Variants in ALKBH8 observed in about 807,000 individuals in gnomAD.
The protein encoded by ALKBH8 is tRNA (carboxymethyluridine(34)-5-O)-methyltransferase ALKBH8.
Under a neutral mutation model 59.8 loss-of-function variants are expected in ALKBH8, and 36 were observed. The observed-to-expected ratio is 0.60, with a 90% CI of 0.46 to 0.79. ALKBH8 has a LOEUF of 0.79. Among genes scored for constraint, ALKBH8 ranks in the 30% least tolerant of loss-of-function variants. The pLI, the probability that ALKBH8 is intolerant of heterozygous loss-of-function variation, is 0.00. For synonymous variants in ALKBH8, 276 were observed against 273.6 expected (o/e 1.01, Z -0.09); for missense variants, 768 against 801.0 (o/e 0.96, Z 0.50).
chr11:107,519,016 G>A (rs1305553611), intron 10 of ALKBH8, among the ~76,000 whole-genome samples: 1 of 152,158 alleles, frequency 6.6e-6, no homozygotes, highest in Non-Finnish European at 1.5e-5. Context: ...TGTTGCCCAG[G>A]CTGGTCTTGA....
Position 107,522,305 on chromosome 11 carries a change from T to C in ALKBH8, c.1281A>G (p.Leu427=), listed in dbSNP as rs2135500283. The C allele has an allele frequency of 1.3e-6, 2 of 1,551,628 alleles. No homozygotes were observed. The highest frequency in any genetic ancestry group is 2.4e-5 in the East Asian group (1 of 40,912). ...CAAAAGCAACATTACTTGCCATATA[T>C]AACTCCTTATTGATGCCAAGATACT... ...NGKYLGINKE[L]YMIGCDRSQN... is the part of the protein sequence containing the mutation. The change falls in exon 10 of 12, where the codon TTA becomes TTG. Residue 427 remains leucine (L), a synonymous_variant. Coordinates refer to ENST00000428149, the MANE Select transcript of ALKBH8 (RefSeq NM_138775.3).
chr11:107,541,644 A>G (rs1031950602), intron 7 of ALKBH8, among the ~76,000 whole-genome samples: 5 of 152,198 alleles, frequency 3.3e-5, no homozygotes, highest in Non-Finnish European at 7.3e-5. Context: ...AATGGTATAA[A>G]ATCTAGCTAA....
At position 107,556,061 on chromosome 11, in the gene ALKBH8, C is replaced by T. The variant is rs1408521804; in HGVS notation, c.367+705G>A. On this transcript the variant is annotated intron_variant, in intron 3 of 11. Transcript: ENST00000428149. ...TTGGGAGGCCAAGGCAGGCGGATTACGAGGTCAGGAGTTCGAGGCCAGACT... is the reference window on the plus strand; with the variant it reads ...TTGGGAGGCCAAGGCAGGCGGATTATGAGGTCAGGAGTTCGAGGCCAGACT... Among the ~76,000 whole-genome samples, 10 of 152,188 alleles carry T rather than the reference C, an allele frequency of 6.6e-5. No individual in the cohort carries two copies. In the South Asian group the frequency reaches 1.9e-3, roughly 28 times the overall value.
At chr11:107,517,832 A>G (rs765235008) in intron 10 of ALKBH8, among the ~76,000 whole-genome samples, 1 of 152,216 alleles carries the variant, frequency 6.6e-6, no homozygotes, top group African/African-American at 2.4e-5. Flanking sequence ...AATTCCACAG[A>G]TCTACTGTAC....
intron 8 of ALKBH8, among the ~76,000 whole-genome samples, chr11:107,531,842 GAGCTGTACAAAAA>G (rs768804240): frequency 6.6e-6 from 1 of 152,144 alleles, no homozygotes; most frequent in Non-Finnish European, 1.5e-5. Context: ...CTTAGCTCAA[GAGCTGTACAAAAA>G]CAGCCTGAGA....
Position 107,553,125 on chromosome 11 carries a change from T to C in ALKBH8, c.578A>G (p.Asp193Gly), listed in dbSNP as rs772124998. ...TTACTTACCCCCAGATAATGGCTTA[T>C]CTTTATCTACATTGTTGTTCTCATA... ...FHYENNNVDK[D>G]KPLSGGLPDI... is the part of the protein sequence containing the mutation. The change falls in exon 5 of 12, where the codon GAT becomes GGT. Residue 193 changes from aspartate to glycine, a missense_variant. Physicochemically the swap from Asp to Gly is moderately conservative, Grantham distance 94. Coordinates refer to ENST00000428149, the MANE Select transcript of ALKBH8 (RefSeq NM_138775.3). The C allele has an allele frequency of 6.2e-7, 1 of 1,600,814 alleles. No individual in the cohort carries two copies. The highest frequency in any genetic ancestry group is 1.7e-5 in the Admixed American group (1 of 58,130).
intron 10 of ALKBH8, among the ~76,000 whole-genome samples, chr11:107,517,016 C>G (rs1862892319): frequency 6.6e-6 from 1 of 152,012 alleles, no homozygotes; most frequent in Non-Finnish European, 1.5e-5. Flanking sequence ...AGAGCAAGAC[C>G]TTGTGTCAAA....
rs143007774 is a variant in ALKBH8 at position 107,511,440 on chromosome 11, A to G, written c.1288-404T>C. Among the ~76,000 whole-genome samples the G allele has an allele frequency of 3.8e-3, 581 of 152,302 alleles. 2 individuals carry two copies. Among genetic ancestry groups the G allele is most frequent in the Non-Finnish European group, 5.8e-3 (393 of 68,036 alleles). Reference sequence around the variant, plus strand: ...GGAGCTGCAAATAAGATGTTCTAAGATATCTCTCATTACCGTATATACTAT... The same window carrying G: ...GGAGCTGCAAATAAGATGTTCTAAGGTATCTCTCATTACCGTATATACTAT... On this transcript the variant is annotated intron_variant, in intron 10 of 11. Coordinates refer to ENST00000428149, the MANE Select transcript of ALKBH8 (RefSeq NM_138775.3).
At chr11:107,511,214 C>T (rs926249981) in intron 10 of ALKBH8, among the ~76,000 whole-genome samples, 178 bp from the exon 11 acceptor site, 7 of 152,098 alleles carry the variant, frequency 4.6e-5, no homozygotes, top group African/African-American at 1.7e-4. Context: ...TATAATTGTA[C>T]AGGGCAGCAT....
chr11:107,535,452 C>T (rs1364435373), intron 7 of ALKBH8, among the ~76,000 whole-genome samples: 2 of 151,962 alleles, frequency 1.3e-5, no homozygotes, highest in Non-Finnish European at 2.9e-5. Flanking sequence ...GGTCATTCTC[C>T]CAGGAGTAAG....
intron 8 of ALKBH8, among the ~76,000 whole-genome samples, chr11:107,528,530 T>G (rs908238404): frequency 4.6e-5 from 7 of 152,200 alleles, no homozygotes; most frequent in Non-Finnish European, 1.0e-4. Flanking sequence ...GTGAACAAAG[T>G]CAAGGTATTT....
chr11:107,546,270 C>T (rs1864249795), intron 7 of ALKBH8, among the ~76,000 whole-genome samples: 2 of 152,294 alleles, frequency 1.3e-5, no homozygotes, highest in East Asian at 1.9e-4. Context: ...CCAACTCTTA[C>T]GGTACTTGAT....
chr11:107,561,759 G>A (rs1864946763), intron 1 of ALKBH8, among the ~76,000 whole-genome samples: 1 of 152,122 alleles, frequency 6.6e-6, no homozygotes, highest in Non-Finnish European at 1.5e-5. Context: ...CAAGAGAGCA[G>A]GAATGCCAGC....
At chr11:107,544,371 A>C (rs1197009020) in intron 7 of ALKBH8, among the ~76,000 whole-genome samples, 2 of 152,342 alleles carry the variant, frequency 1.3e-5, no homozygotes, top group East Asian at 1.9e-4. Context: ...CCCACTCCAC[A>C]GAAAAAAGAT....
intron 3 of ALKBH8, 41 bp downstream of exon 3, chr11:107,556,725 C>G: frequency 7.8e-7 from 1 of 1,289,794 alleles, no homozygotes; most frequent in Non-Finnish European, 1.0e-6. Flanking sequence ...AAGAAAACAC[C>G]CAGAAGAATC....
Position 107,505,113 on chromosome 11 carries a change from T to C in ALKBH8, c.1540A>G (p.Lys514Glu). 1 of 1,551,416 alleles carries C rather than the reference T, an allele frequency of 6.4e-7. No individual in the cohort carries two copies. The highest frequency in any genetic ancestry group is 2.4e-5 in the East Asian group (1 of 40,918). ...CTGTTTCCTCTAAGATACTTGGACT[T>C]CTGCTTATTATATTCTTGTTCCATT... ...WAMEQEYNKQ[K>E]SKYLRGNRNS... is the part of the protein sequence containing the mutation. Residue 514 changes from lysine to glutamate, a missense_variant, in exon 12 of 12, where the codon AAG becomes GAG. Coordinates refer to ENST00000428149, the MANE Select transcript of ALKBH8 (RefSeq NM_138775.3).
chr11:107,518,844 G>C (rs1027265506), intron 10 of ALKBH8, among the ~76,000 whole-genome samples: 1 of 152,172 alleles, frequency 6.6e-6, no homozygotes, highest in Non-Finnish European at 1.5e-5. Context: ...AAGGCTGTGA[G>C]ACCCCTGATT....
intron 7 of ALKBH8, among the ~76,000 whole-genome samples, chr11:107,541,428 C>A (rs553542941): frequency 3.9e-5 from 6 of 152,272 alleles, no homozygotes; most frequent in African/African-American, 1.4e-4. Context: ...GTACAAACAT[C>A]CCAGGATCTG....
chr11:107,520,881 T>A (rs894391845), intron 10 of ALKBH8, among the ~76,000 whole-genome samples: 2 of 152,076 alleles, frequency 1.3e-5, no homozygotes, highest in Non-Finnish European at 2.9e-5. Flanking sequence ...CAACCCCAGG[T>A]CAAAATACTA....
Sources: allele counts gnomAD v4.1 joint callset (sites outside exome capture counted in the v4.1 genomes callset), GRCh38; gene constraint gnomAD v4.1.1; transcripts MANE v1.5; gene names NCBI Gene and HGNC (gene_info 2026-07-23, HGNC 2026-07-21).